C2CD2: variants seen among roughly 807,000 people sequenced by gnomAD.
The protein encoded by C2CD2 is C2 domain-containing protein 2.
Under a neutral mutation model 74.3 loss-of-function variants are expected in C2CD2, and 43 were observed. That is an observed-to-expected ratio of 0.58 (90% CI 0.45 to 0.75). C2CD2 has a LOEUF of 0.75. Among genes scored for constraint, C2CD2 ranks in the 30% least tolerant of loss-of-function variants. The pLI is 0.00. For synonymous variants in C2CD2, 422 were observed against 390.7 expected (o/e 1.08, Z -0.94); for missense variants, 801 against 916.3 (o/e 0.87, Z 1.63).
intron 2 of C2CD2, among the ~76,000 whole-genome samples, chr21:41,934,631 A>G (rs975677835): frequency 2.2e-4 from 34 of 152,348 alleles, no homozygotes; most frequent in African/African-American, 6.7e-4. Flanking sequence ...GAGCAAAAAT[A>G]ACAACAGAGG....
chr21:41,889,067 G>C lies in C2CD2; in HGVS notation c.*57C>G. ...CGGCGGACACACTGGCTGCGTCCTG[G>C]TGAGGGTAGTTAACATGGGTGCACG... On this transcript the variant is annotated 3_prime_UTR_variant, in exon 14 of 14. Coordinates refer to ENST00000380486, the MANE Select transcript of C2CD2 (RefSeq NM_015500.2). 7.6e-7 allele frequency: 1 copy of C among 1,310,350 alleles called. No homozygotes were observed. The highest frequency in any genetic ancestry group is 1.1e-6 in the Non-Finnish European group (1 of 908,658). The allele number at this position is 1,310,350 out of a possible 1,614,324, so 81.2% of individuals were successfully genotyped here. A position where few individuals can be genotyped will look rare whatever the true frequency, so the allele number is the denominator to read the frequency against.
chr21:41,949,298 G>T (rs919539277), intron 1 of C2CD2, among the ~76,000 whole-genome samples: 2 of 152,146 alleles, frequency 1.3e-5, no homozygotes, highest in African/African-American at 4.8e-5. Flanking sequence ...TAATCGCAGG[G>T]GAGCAAAAGG....
intron 2 of C2CD2, among the ~76,000 whole-genome samples, chr21:41,935,935 T>C (rs901557305): frequency 4.0e-5 from 6 of 151,726 alleles, no homozygotes; most frequent in Admixed American, 3.9e-4. Context: ...CACACATATA[T>C]AAAAATCAAC....
rs2064927051 is a variant in C2CD2, at chr21:41,903,726, G to A, written c.1433-1977C>T. Reference sequence around the variant, plus strand: ...CCAGTGCTTCTGTTCAGTCCCCCGAGAGCCCGGTCCAGGTGCCAGGTGCAG... The same window carrying A: ...CCAGTGCTTCTGTTCAGTCCCCCGAAAGCCCGGTCCAGGTGCCAGGTGCAG... On this transcript the variant is annotated intron_variant, in intron 11 of 13. Coordinates refer to ENST00000380486, the MANE Select transcript of C2CD2 (RefSeq NM_015500.2). This position sits in a 1 kb window ranked among gnomAD's most constrained non-coding sequence, Gnocchi z 4.5. Among the ~76,000 whole-genome samples, 1 of 152,156 alleles carries A rather than the reference G, an allele frequency of 6.6e-6. No individual in the cohort carries two copies. The highest frequency in any genetic ancestry group is 2.4e-5 in the African/African-American group (1 of 41,436).
In C2CD2 at chr21:41,899,099, C is replaced by T; in HGVS notation, c.1824G>A (p.Glu608=). Reference sequence around the variant, plus strand: ...CCGGCTCCAAGACACTCATGGAGCTCTCTGACAGCTCATCACCGTCGGGGT... The same window carrying T: ...CCGGCTCCAAGACACTCATGGAGCTTTCTGACAGCTCATCACCGTCGGGGT... The part of the protein sequence containing the change: ...LLDPDGDELS[E]SSMSVLEPGT... The change falls in exon 13 of 14, where the codon GAG becomes GAA. Residue 608 remains glutamate, a synonymous_variant. Coordinates refer to ENST00000380486, the MANE Select transcript of C2CD2 (RefSeq NM_015500.2). This position sits in a 1 kb window ranked among gnomAD's most constrained non-coding sequence, Gnocchi z 4.4. 6.2e-7 allele frequency: 1 copy of T among 1,614,018 alleles called. No homozygotes were observed. The highest frequency in any genetic ancestry group is 8.5e-7 in the Non-Finnish European group (1 of 1,180,010).
chr21:41,922,371 C>T (rs1038287942), intron 2 of C2CD2, among the ~76,000 whole-genome samples: 2 of 152,124 alleles, frequency 1.3e-5, no homozygotes, highest in African/African-American at 4.8e-5. Context: ...ACCTGTATTA[C>T]TGAGGCTGGT....
chr21:41,893,514 C>T (rs539032516), intron 13 of C2CD2, among the ~76,000 whole-genome samples: 26 of 152,262 alleles, frequency 1.7e-4, no homozygotes, highest in African/African-American at 5.8e-4. Flanking sequence ...AACCTCACTC[C>T]GGGCTCCAGT....
At chr21:41,925,720 G>A (rs2065203647) in intron 2 of C2CD2, among the ~76,000 whole-genome samples, 1 of 152,202 alleles carries the variant, frequency 6.6e-6, no homozygotes. Context: ...TGCCAACAGT[G>A]GCAGGGCCCC....
In C2CD2 at chr21:41,897,562, T is replaced by A. The variant is rs542783195; in HGVS notation, c.1870+1491A>T. ...CAAGTGCTCTGTGGAGGGGGGTCCATGCATCAAGCACCCCAAGGCCAGGCA... is the reference window on the plus strand; with the variant it reads ...CAAGTGCTCTGTGGAGGGGGGTCCAAGCATCAAGCACCCCAAGGCCAGGCA... On this transcript the variant is annotated intron_variant, in intron 13 of 13. Transcript: ENST00000380486. Among the ~76,000 whole-genome samples, 31 of 152,250 alleles carry A rather than the reference T, an allele frequency of 2.0e-4. No homozygotes were observed. In the South Asian group the frequency reaches 4.2e-3, roughly 20 times the overall value.
At chr21:41,928,595 C>T (rs1432966663) in intron 2 of C2CD2, among the ~76,000 whole-genome samples, 2 of 135,176 alleles carry the variant, frequency 1.5e-5, no homozygotes, top group Non-Finnish European at 3.1e-5. Context: ...TTCCTGTTTA[C>T]AGTTAGCTAG....
intron 11 of C2CD2, among the ~76,000 whole-genome samples, chr21:41,904,451 C>T (rs1372446011): frequency 6.6e-6 from 1 of 152,186 alleles, no homozygotes; most frequent in Non-Finnish European, 1.5e-5. Context: ...TCTTTTATTC[C>T]TTTACTTTCT....
chr21:41,918,336 T>G, intron 4 of C2CD2, 109 bp from the exon 5 acceptor site: 1,009 of 983,406 alleles, frequency 1.0e-3, no homozygotes, highest in Non-Finnish European at 1.4e-3. Flanking sequence ...GGAAGGAAAT[T>G]ACCTTCAGAT....
chr21:41,951,214 C>A (rs1334668101), intron 1 of C2CD2, among the ~76,000 whole-genome samples: 1 of 152,170 alleles, frequency 6.6e-6, no homozygotes, highest in African/African-American at 2.4e-5. Context: ...CCATCACTGA[C>A]ACGGCAGCGA....
At chr21:41,942,053 G>C (rs953872091) in intron 2 of C2CD2, 94 bp downstream of exon 2, 24 of 1,474,790 alleles carry the variant, frequency 1.6e-5, no homozygotes, top group East Asian at 7.6e-5. Context: ...CTAGTGTAAG[G>C]GTTCCGCATT....
intron 8 of C2CD2, 25 bp from the exon 9 acceptor site, chr21:41,907,809 G>T: frequency 1.2e-6 from 2 of 1,613,694 alleles, no homozygotes; most frequent in South Asian, 1.1e-5. Context: ...GACAGGCAAG[G>T]GGTGCCGCTG....
chr21:41,942,382 A>T, intron 1 of C2CD2, 137 bp from the exon 2 acceptor site: 1 of 679,814 alleles, frequency 1.5e-6, no homozygotes, highest in Non-Finnish European at 2.5e-6. Flanking sequence ...TTCTAATAGC[A>T]GCAATGGCTA....
In C2CD2 at chr21:41,953,723, T is replaced by G; in HGVS notation, c.-75A>C. 16 of 1,248,448 alleles carry G rather than the reference T, an allele frequency of 1.3e-5. No homozygotes were observed. The highest frequency in any genetic ancestry group is 1.6e-5 in the Non-Finnish European group (16 of 993,778). The allele number at this position is 1,248,448 out of a possible 1,614,324, so 77.3% of individuals were successfully genotyped here. ...GGAACGGCGGACTCAGGACACGCGC[T>G]GGCTGCGGCCACAGCGCGCTGGGGG... On this transcript the variant is annotated 5_prime_UTR_variant, in exon 1 of 14. Coordinates refer to ENST00000380486, the MANE Select transcript of C2CD2 (RefSeq NM_015500.2).
At chr21:41,925,265 T>G (rs1319793087) in intron 2 of C2CD2, among the ~76,000 whole-genome samples, 1 of 151,996 alleles carries the variant, frequency 6.6e-6, no homozygotes, top group African/African-American at 2.4e-5. Flanking sequence ...GCAGGAGGAC[T>G]GCTTGAGTCC....
chr21:41,943,520 T>C (rs2065372856), intron 1 of C2CD2, among the ~76,000 whole-genome samples: 1 of 152,112 alleles, frequency 6.6e-6, no homozygotes, highest in Admixed American at 6.5e-5. Context: ...AAGCACACCG[T>C]GTTTCAATGA....
Sources: allele counts gnomAD v4.1 joint callset (sites outside exome capture counted in the v4.1 genomes callset), GRCh38; gene constraint gnomAD v4.1.1; non-coding constraint Gnocchi (gnomAD v3.1); transcripts MANE v1.5; gene names NCBI Gene and HGNC (gene_info 2026-07-23, HGNC 2026-07-21).